The following TBC1D1 variants were observed in gnomAD, a reference collection of about 807,000 sequenced individuals.
TBC1D1 encodes TBC1 domain family member 1.
A neutral mutation model predicts 125.6 loss-of-function variants in TBC1D1; 89 were observed. The ratio of observed to expected loss-of-function variants is 0.71; its 90% CI spans 0.60 to 0.85. The LOEUF (loss-of-function observed/expected upper bound fraction) is 0.85. Among genes scored for constraint, TBC1D1 ranks in the 40% least tolerant of loss-of-function variants. TBC1D1 has a pLI of 0.00. For synonymous variants in TBC1D1, 565 were observed against 564.1 expected (o/e 1.00, Z -0.02); for missense variants, 1,377 against 1,469.2 (o/e 0.94, Z 1.03).
rs531780247 is a variant in TBC1D1, at chr4:38,036,018, G to A, written c.1413+320G>A. On this transcript the variant is annotated intron_variant, in intron 8 of 19. Transcript: ENST00000261439. ...TTGCAGGGAGCTGGTTTGTCACCTC[G>A]CCTTTCTTCTTTGTAAACCTGGAAG... is the stretch of plus-strand genomic sequence containing the variant. Among the ~76,000 whole-genome samples, 15 of 152,180 alleles carry A rather than the reference G, an allele frequency of 9.9e-5. No individual in the cohort carries two copies. The South Asian group carries it at 2.1e-3, about 21-fold the overall frequency.
At chr4:37,991,748 A>T (rs867404990) in intron 2 of TBC1D1, among the ~76,000 whole-genome samples, 2 of 152,132 alleles carry the variant, frequency 1.3e-5, no homozygotes, top group Middle Eastern at 3.2e-3. Flanking sequence ...TTGCCTAAAA[A>T]ACCAGTCCTT....
At chr4:37,990,005 T>C (rs1226187610) in intron 2 of TBC1D1, among the ~76,000 whole-genome samples, 6 of 152,222 alleles carry the variant, frequency 3.9e-5, no homozygotes, top group African/African-American at 1.4e-4. Context: ...GAATTTATAA[T>C]TGTAGGACTG....
At chr4:38,105,967 G>A (rs1192870922) in intron 15 of TBC1D1, among the ~76,000 whole-genome samples, 1 of 152,156 alleles carries the variant, frequency 6.6e-6, no homozygotes, top group Non-Finnish European at 1.5e-5. Context: ...TAATGGGATT[G>A]CAGGGTCGAA....
intron 12 of TBC1D1, among the ~76,000 whole-genome samples, chr4:38,075,206 G>A (rs1560741388): frequency 6.6e-6 from 1 of 152,172 alleles, no homozygotes; most frequent in Non-Finnish European, 1.5e-5. Context: ...GTCATAAAAT[G>A]GATTAAAGTG....
chr4:37,977,446 C>T lies in TBC1D1; in HGVS notation c.418-37063C>T. 1.0e-6 allele frequency: 1 copy of T among 981,630 alleles called. No individual in the cohort carries two copies. Among genetic ancestry groups the T allele is most frequent in the Non-Finnish European group, 1.2e-6 (1 of 824,414 alleles). The allele number at this position is 981,630 out of a possible 1,614,324, so 60.8% of individuals were successfully genotyped here. A position where few individuals can be genotyped will look rare whatever the true frequency, so the allele number is the denominator to read the frequency against. ...CCCGGCCGCCCGCGGGCCCACGGGC[C>T]GGCGGCGGGAGTGAGCGGGAGCCGG... On this transcript the variant is annotated intron_variant, in intron 2 of 19. Transcript: ENST00000261439. This position sits in a 1 kb window ranked among gnomAD's most constrained non-coding sequence, Gnocchi z 4.3.
At chr4:38,095,064 G>C (rs1381497758) in intron 13 of TBC1D1, among the ~76,000 whole-genome samples, 2 of 152,032 alleles carry the variant, frequency 1.3e-5, no homozygotes, top group Non-Finnish European at 2.9e-5. Flanking sequence ...AAAAAATCTA[G>C]GGTTGACATT....
intron 17 of TBC1D1, chr4:38,120,159 C>T: frequency 1.0e-6 from 1 of 953,962 alleles, no homozygotes; most frequent in African/African-American, 1.8e-5. Flanking sequence ...CTCGGAGTTT[C>T]ATAAACATTA....
At chr4:37,907,649 A>G (rs1051113185) in intron 2 of TBC1D1, among the ~76,000 whole-genome samples, 1 of 152,204 alleles carries the variant, frequency 6.6e-6, no homozygotes. Context: ...AGTCCATGGT[A>G]AGTAAACATG....
chr4:37,967,470 G>C (rs1377439021), intron 2 of TBC1D1, among the ~76,000 whole-genome samples: 1 of 151,306 alleles, frequency 6.6e-6, no homozygotes, highest in African/African-American at 2.4e-5. Context: ...ACTCCAGCCT[G>C]GGTGACAGAG....
intron 14 of TBC1D1, among the ~76,000 whole-genome samples, chr4:38,099,233 A>G (rs1371926655): frequency 6.6e-6 from 1 of 152,194 alleles, no homozygotes; most frequent in Non-Finnish European, 1.5e-5. Context: ...AAAAAACCCA[A>G]CATGTGACTA....
At chr4:38,121,616 G>C (rs1189364439) in intron 17 of TBC1D1, among the ~76,000 whole-genome samples, 1 of 152,196 alleles carries the variant, frequency 6.6e-6, no homozygotes, top group Non-Finnish European at 1.5e-5. Flanking sequence ...GCGCTGGGCG[G>C]CTCCAACAGT....
chr4:38,087,203 A>C (rs1757632182), intron 12 of TBC1D1, among the ~76,000 whole-genome samples: 2 of 152,230 alleles, frequency 1.3e-5, no homozygotes, highest in Admixed American at 1.3e-4. Flanking sequence ...TAGGTCTTAA[A>C]TCTCACAGTT....
At chr4:38,093,594 G>A (rs1448653496) in intron 13 of TBC1D1, among the ~76,000 whole-genome samples, 2 of 148,662 alleles carry the variant, frequency 1.3e-5, no homozygotes, top group African/African-American at 2.5e-5. Flanking sequence ...GCACAATCTC[G>A]GCTCACTGCA....
intron 2 of TBC1D1, among the ~76,000 whole-genome samples, chr4:37,998,499 T>A (rs62298551): frequency 1.3e-5 from 2 of 152,212 alleles, no homozygotes; most frequent in Admixed American, 6.5e-5. Flanking sequence ...CCTCCACACC[T>A]CCCTCCTCGT....
At chr4:37,936,865 C>G (rs543017408) in intron 2 of TBC1D1, among the ~76,000 whole-genome samples, 1 of 152,296 alleles carries the variant, frequency 6.6e-6, no homozygotes, top group South Asian at 2.1e-4. Flanking sequence ...ATTGAATGAA[C>G]TAATGAGCAA....
intron 2 of TBC1D1, among the ~76,000 whole-genome samples, chr4:37,956,076 A>G (rs2152325592): frequency 6.6e-6 from 1 of 151,484 alleles, no homozygotes; most frequent in African/African-American, 2.4e-5. Flanking sequence ...CTCAGGCTGG[A>G]GTACCGGTGT....
chr4:38,104,237 A>G (rs1760882846), intron 15 of TBC1D1, among the ~76,000 whole-genome samples: 1 of 151,440 alleles, frequency 6.6e-6, no homozygotes, highest in Admixed American at 6.6e-5. Context: ...ATCTTATAGA[A>G]GGGCCTTGAG....
intron 2 of TBC1D1, among the ~76,000 whole-genome samples, chr4:37,916,066 C>G (rs1719667321): frequency 6.6e-6 from 1 of 152,132 alleles, no homozygotes; most frequent in Admixed American, 6.6e-5. Context: ...TGGCATCCAT[C>G]TTTTTATTCT....
At position 38,006,636 on chromosome 4, in the gene TBC1D1, G is replaced by A. The variant is rs534791667; in HGVS notation, c.418-7873G>A. ...TGGGACTACAGGCATGTGCCACCACGCCCGGCTAATTTTTTTGTATTTTTA... is the reference window on the plus strand; with the variant it reads ...TGGGACTACAGGCATGTGCCACCACACCCGGCTAATTTTTTTGTATTTTTA... On this transcript the variant is annotated intron_variant, in intron 2 of 19. Coordinates refer to ENST00000261439, the MANE Select transcript of TBC1D1 (RefSeq NM_015173.4). 5.6e-4 allele frequency: 125 copies of A among 223,358 alleles called. 1 individual carries two copies. In the South Asian group the frequency reaches 6.6e-3, roughly 12 times the overall value. The allele number at this position is 223,358 out of a possible 1,614,324, so 13.8% of individuals were successfully genotyped here. A position where few individuals can be genotyped will look rare whatever the true frequency, so the allele number is the denominator to read the frequency against.
Sources: allele counts gnomAD v4.1 joint callset (sites outside exome capture counted in the v4.1 genomes callset), GRCh38; gene constraint gnomAD v4.1.1; non-coding constraint Gnocchi (gnomAD v3.1); transcripts MANE v1.5; gene names NCBI Gene and HGNC (gene_info 2026-07-23, HGNC 2026-07-21).